The following PTBP3 variants were observed in gnomAD, a reference collection of about 807,000 sequenced individuals.
PTBP3 encodes polypyrimidine tract binding protein 3, also known as polypyrimidine tract-binding protein 3.
In PTBP3, 20 loss-of-function variants were observed where a neutral mutation model predicts 58.7. That is an observed-to-expected ratio of 0.34 (90% CI 0.24 to 0.50). The LOEUF (loss-of-function observed/expected upper bound fraction) is 0.50. Among genes scored for constraint, PTBP3 ranks in the 20% least tolerant of loss-of-function variants. The pLI is 0.98. For synonymous variants in PTBP3, 185 were observed against 219.8 expected (o/e 0.84, Z 1.40); for missense variants, 509 against 637.2 (o/e 0.80, Z 2.17).
At chr9:112,236,851 G>A (rs1835457942) in intron 7 of PTBP3, among the ~76,000 whole-genome samples, 2 of 152,100 alleles carry the variant, frequency 1.3e-5, no homozygotes, top group Admixed American at 1.3e-4. Context: ...GTCTCAAAAA[G>A]GAGTGGATCT....
chr9:112,218,123 G>C (rs953957427), downstream of PTBP3: 1 of 152,230 alleles, frequency 6.6e-6, no homozygotes, highest in Non-Finnish European at 1.5e-5. Flanking sequence ...AGAAAAAGGA[G>C]AGTGAGTGTG....
the PTBP3 span, among the ~76,000 whole-genome samples, chr9:112,376,156 G>GATATATATATATATATATATAT: frequency 1.1e-3 from 125 of 116,768 alleles, 3 homozygotes; most frequent in Middle Eastern, 3.9e-3. Flanking sequence ...TTCTCTAGAG[G>GATATATATATATATATATATAT]ATATATATAT....
At chr9:112,233,069 A>C (rs1237485746) in intron 8 of PTBP3, among the ~76,000 whole-genome samples, 1 of 151,926 alleles carries the variant, frequency 6.6e-6, no homozygotes, top group Non-Finnish European at 1.5e-5. Context: ...TAATCTAAGA[A>C]GGTCATAACT....
the PTBP3 span, among the ~76,000 whole-genome samples, chr9:112,338,987 A>G: frequency 6.6e-6 from 1 of 152,100 alleles, no homozygotes; most frequent in Non-Finnish European, 1.5e-5. Flanking sequence ...AAAGGGGAGT[A>G]TTCCTCTCCC....
chr9:112,271,893 T>C (rs4979092), intron 3 of PTBP3, among the ~76,000 whole-genome samples: 129,279 of 152,208 alleles, frequency 0.85, 55,315 homozygotes, highest in African/African-American at 0.95. Flanking sequence ...ATTCAAGTGA[T>C]TTGATATCTG....
intron 5 of PTBP3, 65 bp from the exon 6 acceptor site, chr9:112,252,853 A>C: frequency 1.1e-6 from 1 of 929,460 alleles, no homozygotes; most frequent in South Asian, 1.5e-5. Context: ...ATCTTTATAA[A>C]TACAACTTGT....
At chr9:112,262,380 A>T in intron 5 of PTBP3, 55 bp downstream of exon 5, 1 of 1,410,174 alleles carries the variant, frequency 7.1e-7, no homozygotes, top group South Asian at 1.4e-5. Context: ...AAACATCAAA[A>T]GTTTCAGAGG....
chr9:112,247,990 A>T (rs1326950576), intron 7 of PTBP3, among the ~76,000 whole-genome samples: 1 of 152,204 alleles, frequency 6.6e-6, no homozygotes, highest in Non-Finnish European at 1.5e-5. Context: ...TAAATATGGC[A>T]TGATATTAAC....
At chr9:112,376,918 C>A in the PTBP3 span, among the ~76,000 whole-genome samples, 2 of 152,218 alleles carry the variant, frequency 1.3e-5, no homozygotes, top group Admixed American at 6.5e-5. Context: ...TCAGTATTAA[C>A]CATCACAAGC....
At chr9:112,237,154 T>A (rs73535723) in intron 7 of PTBP3, among the ~76,000 whole-genome samples, 1 of 152,178 alleles carries the variant, frequency 6.6e-6, no homozygotes, top group Non-Finnish European at 1.5e-5. Flanking sequence ...AAGACCAAAT[T>A]TGAATAACTG....
At position 112,251,020 on chromosome 9, in the gene PTBP3, A is replaced by T. The variant is rs761385910; in HGVS notation, c.711T>A (p.Tyr237Ter). 1 of 1,612,398 alleles carries T rather than the reference A, an allele frequency of 6.2e-7. No individual in the cohort carries two copies. ...TGAAGTCTCTGCTTTTGTCATTATT[A>T]TATTTCACATTAAGGCTGGTGAGCT... is the stretch of plus-strand genomic sequence containing the variant. ...FSKLTSLNVKYNNDKSRDFTR... is the reference protein window; with the variant it reads ...FSKLTSLNVK Residue 237 changes from tyrosine (Y) to a stop codon, truncating the protein, a stop_gained, in exon 7 of 14, where the codon TAT (tyrosine) becomes TAA (stop). Transcript: ENST00000374257. LOFTEE classifies it high-confidence loss of function.
In PTBP3 at chr9:112,231,034, C is replaced by T. The variant is rs531858064; in HGVS notation, c.1054+346G>A. Among the ~76,000 whole-genome samples, 14 of 141,228 alleles carry T rather than the reference C, an allele frequency of 9.9e-5. No individual in the cohort carries two copies. In the South Asian group the frequency reaches 2.9e-3, roughly 29 times the overall value. The allele number at this position is 141,228 out of a possible 152,430, so 92.7% of individuals were successfully genotyped here. A position where few individuals can be genotyped will look rare whatever the true frequency, so the allele number is the denominator to read the frequency against. ...CTCACCACTGGGCTTCCTTCACTTC[C>T]ATGCACCAGGACCCATCTCTCCCCT... is the stretch of plus-strand genomic sequence containing the variant. On this transcript the variant is annotated intron_variant, in intron 10 of 13. Coordinates refer to ENST00000374257, the MANE Select transcript of PTBP3 (RefSeq NM_001163788.4).
At chr9:112,320,131 G>T (rs1327931758) in intron 1 of PTBP3, among the ~76,000 whole-genome samples, 1 of 151,520 alleles carries the variant, frequency 6.6e-6, no homozygotes, top group Non-Finnish European at 1.5e-5. Context: ...TTTAAAATTA[G>T]CTGGGCATGG....
chr9:112,249,522 G>A (rs1375833857), intron 7 of PTBP3, among the ~76,000 whole-genome samples: 1 of 152,048 alleles, frequency 6.6e-6, no homozygotes, highest in Non-Finnish European at 1.5e-5. Flanking sequence ...CTAGTGATAG[G>A]CAAAGTAGAG....
chr9:112,224,092 A>T (rs750066398), intron 13 of PTBP3, 41 bp downstream of exon 13: 1 of 1,553,826 alleles, frequency 6.4e-7, no homozygotes, highest in Non-Finnish European at 8.8e-7. Context: ...TGCATACCAT[A>T]TTAAATAATT....
chr9:112,222,144 G>C lies in PTBP3; in HGVS notation c.*1707C>G. On this transcript the variant is annotated 3_prime_UTR_variant, in exon 14 of 14. Transcript: ENST00000374257. ...TTTAAAAGTTGAGATGAGACACTTT[G>C]AGAATCTGAAAAGTGTAAAAGGGGT... is the stretch of plus-strand genomic sequence containing the variant. 2 of 985,796 alleles carry C rather than the reference G, an allele frequency of 2.0e-6. No individual in the cohort carries two copies. The highest frequency in any genetic ancestry group is 2.4e-6 in the Non-Finnish European group (2 of 829,868). 61.1% of individuals were successfully genotyped at this position (985,796 alleles called of 1,614,324 possible). A position where few individuals can be genotyped will look rare whatever the true frequency, so the allele number is the denominator to read the frequency against.
chr9:112,285,903 A>C (rs1828094179), intron 2 of PTBP3, among the ~76,000 whole-genome samples: 1 of 152,204 alleles, frequency 6.6e-6, no homozygotes, highest in South Asian at 2.1e-4. Context: ...CTGACAGCAG[A>C]GTGCTATCTC....
the PTBP3 span, among the ~76,000 whole-genome samples, chr9:112,367,996 T>C: frequency 1.3e-5 from 2 of 152,266 alleles, no homozygotes; most frequent in South Asian, 2.1e-4. Flanking sequence ...CTTTTTGTTC[T>C]TTTCATTGTT....
chr9:112,342,340 A>G, the PTBP3 span, among the ~76,000 whole-genome samples: 1 of 152,116 alleles, frequency 6.6e-6, no homozygotes, highest in African/African-American at 2.4e-5. Flanking sequence ...GTGTGTGTGT[A>G]TCCCATTGGT....
Sources: allele counts gnomAD v4.1 joint callset (sites outside exome capture counted in the v4.1 genomes callset), GRCh38; gene constraint gnomAD v4.1.1; transcripts MANE v1.5; gene names NCBI Gene and HGNC (gene_info 2026-07-23, HGNC 2026-07-21).